Variants in COL23A1 observed in about 807,000 individuals in gnomAD.
COL23A1 encodes the protein collagen type XXIII alpha 1 chain.
A neutral mutation model predicts 99.3 loss-of-function variants in COL23A1; 97 were observed. The ratio of observed to expected loss-of-function variants is 0.98; its 90% CI spans 0.83 to 1.16. The LOEUF (loss-of-function observed/expected upper bound fraction) is 1.16, where lower values mean the gene tolerates loss of function less well. COL23A1 is among the 50% of genes most tolerant of loss of function. The pLI, the probability that COL23A1 is intolerant of heterozygous loss-of-function variation, is 0.00. For synonymous variants in COL23A1, 320 were observed against 308.2 expected (o/e 1.04, Z -0.40); for missense variants, 762 against 757.4 (o/e 1.01, Z -0.07).
At chr5:178,298,658 C>T (rs2973788) in intron 3 of COL23A1, among the ~76,000 whole-genome samples, 81,258 of 152,060 alleles carry the variant, frequency 0.53, 23,219 homozygotes, top group Non-Finnish European at 0.66. Context: ...CCCATTCAGC[C>T]AGCTCAGGTA....
chr5:178,326,813 G>A (rs1037610611), intron 2 of COL23A1, among the ~76,000 whole-genome samples: 1 of 152,196 alleles, frequency 6.6e-6, no homozygotes, highest in African/African-American at 2.4e-5. Context: ...TCTGCCTCCT[G>A]GGTTCAAGCA....
intron 2 of COL23A1, among the ~76,000 whole-genome samples, chr5:178,426,023 C>A (rs904908071): frequency 6.6e-6 from 1 of 152,146 alleles, no homozygotes; most frequent in Non-Finnish European, 1.5e-5. Flanking sequence ...CTATTCTCTC[C>A]ACAGCAGGGG....
At chr5:178,562,180 TGCAGTGA>T (rs1230093902) in intron 1 of COL23A1, 1 of 459,222 alleles carries the variant, frequency 2.2e-6, no homozygotes, top group Non-Finnish European at 4.3e-6. Context: ...AGGCGGAGGT[TGCAGTGA>T]GCCGAGATCG....
intron 7 of COL23A1, 87 bp downstream of exon 7, chr5:178,268,643 A>G (rs1561808754): frequency 2.8e-6 from 4 of 1,431,874 alleles, no homozygotes; most frequent in Non-Finnish European, 3.9e-6. Flanking sequence ...GATGTGCTCA[A>G]GGGCACACTG....
At chr5:178,565,031 C>T (rs1762773315) in intron 1 of COL23A1, among the ~76,000 whole-genome samples, 1 of 152,196 alleles carries the variant, frequency 6.6e-6, no homozygotes, top group African/African-American at 2.4e-5. Context: ...GTGGAATCTC[C>T]TTGACGCAAC....
chr5:178,297,433 G>A (rs1442764604), intron 3 of COL23A1, among the ~76,000 whole-genome samples: 1 of 152,166 alleles, frequency 6.6e-6, no homozygotes, highest in Non-Finnish European at 1.5e-5. Context: ...CAGAAGAATC[G>A]CTTGAACCTG....
At chr5:178,447,866 G>A (rs1309810501) in intron 2 of COL23A1, among the ~76,000 whole-genome samples, 1 of 152,194 alleles carries the variant, frequency 6.6e-6, no homozygotes, top group African/African-American at 2.4e-5. Context: ...GAATGTGGGG[G>A]TTGGCAGGTT....
intron 2 of COL23A1, among the ~76,000 whole-genome samples, chr5:178,319,409 T>A (rs939223275): frequency 4.6e-5 from 7 of 152,194 alleles, no homozygotes; most frequent in East Asian, 1.9e-4. Context: ...TTTTTTTTTT[T>A]AAACTTAAAA....
At chr5:178,563,822 G>A (rs11743116) in intron 1 of COL23A1, among the ~76,000 whole-genome samples, 12,860 of 152,056 alleles carry the variant, frequency 0.085, 690 homozygotes, top group Middle Eastern at 0.19. Context: ...TTGAGTCACC[G>A]CGCCCAGCCA....
chr5:178,452,761 A>T (rs774695979), intron 2 of COL23A1, among the ~76,000 whole-genome samples: 2 of 152,208 alleles, frequency 1.3e-5, no homozygotes, highest in Non-Finnish European at 2.9e-5. Context: ...TTTTTTACCC[A>T]AAAGAATGGC....
intron 2 of COL23A1, among the ~76,000 whole-genome samples, chr5:178,377,454 C>T (rs755861578): frequency 6.6e-6 from 1 of 152,196 alleles, no homozygotes; most frequent in Non-Finnish European, 1.5e-5. Context: ...CAGTCAGTCC[C>T]GACATGGGTC....
intron 4 of COL23A1, among the ~76,000 whole-genome samples, chr5:178,289,508 G>A (rs1207035237): frequency 6.6e-6 from 1 of 152,188 alleles, no homozygotes; most frequent in African/African-American, 2.4e-5. Flanking sequence ...TCCTGCTCCA[G>A]TGCCATGCCC....
chr5:178,413,041 G>T (rs935999453), intron 2 of COL23A1, among the ~76,000 whole-genome samples: 1 of 151,920 alleles, frequency 6.6e-6, no homozygotes, highest in Admixed American at 6.6e-5. Context: ...AAAATAGCTG[G>T]GCATACTGGT....
At chr5:178,586,122 G>C (rs1763992793) in intron 1 of COL23A1, among the ~76,000 whole-genome samples, 1 of 152,242 alleles carries the variant, frequency 6.6e-6, no homozygotes, top group South Asian at 2.1e-4. Flanking sequence ...CAGAGACTGA[G>C]TGGTACTCAG....
At chr5:178,397,846 G>A (rs1182712225) in intron 2 of COL23A1, among the ~76,000 whole-genome samples, 1 of 152,194 alleles carries the variant, frequency 6.6e-6, no homozygotes, top group Non-Finnish European at 1.5e-5. Context: ...ACTTAGCTGG[G>A]TGTGGTGACA....
At chr5:178,424,432 T>C (rs998886749) in intron 2 of COL23A1, among the ~76,000 whole-genome samples, 3 of 152,196 alleles carry the variant, frequency 2.0e-5, no homozygotes, top group African/African-American at 7.2e-5. Context: ...AACCCTTTGA[T>C]CCAGGGCCCA....
intron 2 of COL23A1, among the ~76,000 whole-genome samples, chr5:178,457,797 C>T (rs1755880920): frequency 6.6e-6 from 1 of 152,186 alleles, no homozygotes; most frequent in South Asian, 2.1e-4. Context: ...GCAGGATTTT[C>T]AGCCAGAGTA....
At chr5:178,441,124 G>T (rs1259663454) in intron 2 of COL23A1, among the ~76,000 whole-genome samples, 1 of 152,152 alleles carries the variant, frequency 6.6e-6, no homozygotes, top group African/African-American at 2.4e-5. Flanking sequence ...CCAATAAGAC[G>T]TCTACTCTGT....
chr5:178,238,362 A>C lies in COL23A1; in HGVS notation c.*336T>G, dbSNP rs1764220420. 1 of 329,526 alleles carries C rather than the reference A, an allele frequency of 3.0e-6. No homozygotes were observed. Among genetic ancestry groups the C allele is most frequent in the Non-Finnish European group, 5.7e-6 (1 of 175,346 alleles). 20.4% of individuals were successfully genotyped at this position (329,526 alleles called of 1,614,324 possible). On this transcript the variant is annotated 3_prime_UTR_variant, in exon 29 of 29. Transcript: ENST00000390654. ...CGGGGGCAGGTTCTTACAGGGCAGTACCACAGCTGAGAGTCTCTCTGCTGA... is the reference window on the plus strand; with the variant it reads ...CGGGGGCAGGTTCTTACAGGGCAGTCCCACAGCTGAGAGTCTCTCTGCTGA...
Sources: allele counts gnomAD v4.1 joint callset (sites outside exome capture counted in the v4.1 genomes callset), GRCh38; gene constraint gnomAD v4.1.1; transcripts MANE v1.5; gene names NCBI Gene and HGNC (gene_info 2026-07-23, HGNC 2026-07-21).